Variants in COLGALT2 observed in about 807,000 individuals in gnomAD.
COLGALT2 encodes procollagen galactosyltransferase 2.
In COLGALT2, 49 loss-of-function variants were observed where a neutral mutation model predicts 73.4. The observed-to-expected ratio is 0.67, with a 90% CI of 0.53 to 0.85. The LOEUF (loss-of-function observed/expected upper bound fraction) is 0.85, where lower values mean the gene tolerates loss of function less well. Among genes scored for constraint, COLGALT2 ranks in the 40% least tolerant of loss-of-function variants. The probability of loss-of-function intolerance (pLI) is 0.00; values close to 1 mark genes in which losing one functional copy is unlikely to be tolerated. For missense variants in COLGALT2, 722 were observed against 790.2 expected, an observed-to-expected ratio of 0.91 and a Z score of 1.03; for synonymous variants, 295 against 307.6, an observed-to-expected ratio of 0.96 and a Z score of 0.43.
intron 11 of COLGALT2, among the ~76,000 whole-genome samples, chr1:183,939,480 C>T (rs919906574): frequency 6.6e-6 from 1 of 152,178 alleles, no homozygotes; most frequent in African/African-American, 2.4e-5. Context: ...GCTCCCTGCT[C>T]ACCACTCCGG....
rs771329752 is a variant in COLGALT2, at chr1:183,969,429, C to G, written c.672G>C (p.Trp224Cys). The change falls in exon 5 of 12, where the codon TGG becomes TGC. Residue 224 changes from tryptophan to cysteine, a missense_variant. By Grantham distance (215) the Trp-to-Cys change is radical. Transcript: ENST00000361927. ...RTPDYVQIREWKRTGCFPVPM... is the reference protein window; with the variant it reads ...RTPDYVQIRECKRTGCFPVPM... ...GGACGGGGAAGCAGCCTGTCCTCTT[C>G]CATTCTCGAATCTGAACGTAGTCTG... 2.9e-5 allele frequency: 47 copies of G among 1,613,428 alleles called. No individual in the cohort carries two copies. The highest frequency in any genetic ancestry group is 3.7e-5 in the Non-Finnish European group (44 of 1,179,654).
chr1:183,980,760 CAG>C (rs950743960), intron 1 of COLGALT2, among the ~76,000 whole-genome samples: 24 of 151,564 alleles, frequency 1.6e-4, no homozygotes, highest in Admixed American at 4.6e-4. Context: ...CACACACACA[CAG>C]GCACACAACT....
chr1:183,962,588 A>T (rs1485506249), intron 6 of COLGALT2, among the ~76,000 whole-genome samples: 1 of 152,040 alleles, frequency 6.6e-6, no homozygotes, highest in Non-Finnish European at 1.5e-5. Context: ...TCATCTACCT[A>T]CAATCAACTC....
intron 10 of COLGALT2, 44 bp from the exon 11 acceptor site, chr1:183,940,831 A>C (rs1300878200): frequency 6.6e-7 from 1 of 1,509,722 alleles, no homozygotes; most frequent in Non-Finnish European, 9.2e-7. Context: ...CTTGACTATT[A>C]TGCCATGATA....
chr1:184,025,104 AG>A (rs1356439921), intron 1 of COLGALT2, among the ~76,000 whole-genome samples: 1 of 152,248 alleles, frequency 6.6e-6, no homozygotes, highest in East Asian at 1.9e-4. Flanking sequence ...AAAGCTGTTA[AG>A]ATTCAGAACC....
chr1:183,939,305 T>C (rs1008043735), intron 11 of COLGALT2, among the ~76,000 whole-genome samples: 1 of 152,140 alleles, frequency 6.6e-6, no homozygotes, highest in African/African-American at 2.4e-5. Flanking sequence ...CTCCAAAAGT[T>C]AAAAAGTAAG....
intron 1 of COLGALT2, among the ~76,000 whole-genome samples, chr1:183,985,685 C>T (rs1047847828): frequency 2.0e-5 from 3 of 152,106 alleles, no homozygotes; most frequent in Admixed American, 6.5e-5. Context: ...AAGAGGTCTG[C>T]GATTGGTGGA....
Position 184,037,395 on chromosome 1 carries a change from C to G in COLGALT2, c.-38G>C, listed in dbSNP as rs756237622. The G allele has an allele frequency of 2.2e-6, 3 of 1,342,924 alleles. No individual in the cohort carries two copies. Among genetic ancestry groups the G allele is most frequent in the Non-Finnish European group, 2.9e-6 (3 of 1,049,418 alleles). 83.2% of individuals were successfully genotyped at this position (1,342,924 alleles called of 1,614,324 possible). A position where few individuals can be genotyped will look rare whatever the true frequency, so the allele number is the denominator to read the frequency against. On this transcript the variant is annotated 5_prime_UTR_variant, in exon 1 of 12. Transcript: ENST00000361927. ...GGCGGGCGGCGGGGAAGTCCTGGCG[C>G]GAGCGCCCGGCTGGGCTGCCTGAGG...
At chr1:183,944,546 A>G (rs941730398) in intron 9 of COLGALT2, among the ~76,000 whole-genome samples, 2 of 152,212 alleles carry the variant, frequency 1.3e-5, no homozygotes, top group African/African-American at 4.8e-5. Flanking sequence ...AATCTCCTAA[A>G]TGTCATGTTA....
chr1:183,969,125 G>T, intron 5 of COLGALT2, 144 bp downstream of exon 5: 2 of 627,266 alleles, frequency 3.2e-6, no homozygotes, highest in Non-Finnish European at 5.2e-6. Context: ...CATAGAGGGT[G>T]CTGGTATGGT....
intron 1 of COLGALT2, among the ~76,000 whole-genome samples, chr1:184,032,329 T>C (rs889802641): frequency 6.6e-6 from 1 of 152,202 alleles, no homozygotes; most frequent in Non-Finnish European, 1.5e-5. Flanking sequence ...AGGAAAAGAT[T>C]CAAAAGAAAT....
rs1418344555 is a variant in COLGALT2, at chr1:183,936,715, C to T, written c.*2046G>A. 5 of 1,230,144 alleles carry T rather than the reference C, an allele frequency of 4.1e-6. No homozygotes were observed. In the African/African-American group the frequency reaches 6.2e-5, roughly 15 times the overall value. The allele number at this position is 1,230,144 out of a possible 1,614,324, so 76.2% of individuals were successfully genotyped here. ...AGGAATCACCTAAGGAATTTTCACT[C>T]GCTCCCCAGATGCTCTTTCTGTTTT... On this transcript the variant is annotated 3_prime_UTR_variant, in exon 12 of 12. Coordinates refer to ENST00000361927, the MANE Select transcript of COLGALT2 (RefSeq NM_015101.4).
In COLGALT2 at chr1:183,944,352, C is replaced by G. The variant is rs201286913; in HGVS notation, c.1270-29G>C. The G allele has an allele frequency of 2.2e-4, 346 of 1,588,802 alleles. 1 individual carries two copies. The highest frequency in any genetic ancestry group is 2.9e-4 in the Non-Finnish European group (335 of 1,171,360). On this transcript the variant is annotated intron_variant, in intron 9 of 11. Coordinates refer to ENST00000361927, the MANE Select transcript of COLGALT2 (RefSeq NM_015101.4). ...CAAAAGTCATCAGTAGGAAGATACC[C>G]TATGAAAAGTTTGAAACCCAATTTT...
intron 1 of COLGALT2, among the ~76,000 whole-genome samples, chr1:184,023,958 T>C (rs1572684312): frequency 6.6e-6 from 1 of 152,180 alleles, no homozygotes; most frequent in African/African-American, 2.4e-5. Context: ...AATTTTTATA[T>C]AGATATGAAT....
At chr1:183,930,569 C>CTTTTTTTTTTTT (rs397861890) in intron 11 of COLGALT2, among the ~76,000 whole-genome samples, 23 of 114,068 alleles carry the variant, frequency 2.0e-4, no homozygotes, top group East Asian at 5.5e-4. Flanking sequence ...TTTTCTTTTT[C>CTTTTTTTTTTTT]TTTTTTTTTT....
chr1:184,037,484 G>C lies in COLGALT2; in HGVS notation c.-127C>G. 8.5e-7 allele frequency: 1 copy of C among 1,181,930 alleles called. No homozygotes were observed. The allele number at this position is 1,181,930 out of a possible 1,614,324, so 73.2% of individuals were successfully genotyped here. ...CGGCCGGGGGATGCGGCTTGCCGCG[G>C]CCGGCCGGCTCACACACTGGCCTCG... On this transcript the variant is annotated 5_prime_UTR_variant, in exon 1 of 12. Transcript: ENST00000361927.
chr1:183,943,909 A>G (rs1370141165), intron 10 of COLGALT2, among the ~76,000 whole-genome samples: 1 of 152,158 alleles, frequency 6.6e-6, no homozygotes, highest in African/African-American at 2.4e-5. Context: ...GCTCCTAAGT[A>G]AGTGCTCAGT....
chr1:183,972,860 T>C (rs141423228), intron 4 of COLGALT2, among the ~76,000 whole-genome samples: 1,937 of 152,238 alleles, frequency 0.013, 23 homozygotes, highest in Middle Eastern at 0.051. Context: ...ACACCACGCC[T>C]GGCTAATTTT....
chr1:183,945,620 G>T, intron 8 of COLGALT2, 56 bp from the exon 9 acceptor site: 1 of 1,600,764 alleles, frequency 6.2e-7, no homozygotes, highest in Non-Finnish European at 8.5e-7. Flanking sequence ...CCACCACAAA[G>T]GCCAGAGAAA....
Sources: gnomAD v4.1 joint callset for allele counts (sites outside exome capture counted in the v4.1 genomes callset) on GRCh38, gnomAD v4.1.1 for gene constraint, MANE v1.5 for transcripts, NCBI Gene and HGNC (gene_info 2026-07-23, HGNC 2026-07-21) for gene names.